The following PCDHGB1 variants were observed in gnomAD, a reference collection of about 807,000 sequenced individuals.
PCDHGB1 encodes protocadherin gamma subfamily B, 1, also known as protocadherin gamma-B1.
A neutral mutation model predicts 56.6 loss-of-function variants in PCDHGB1; 34 were observed. The ratio of observed to expected loss-of-function variants is 0.60; its 90% confidence interval spans 0.46 to 0.80. PCDHGB1 has a LOEUF of 0.80. Among genes scored for constraint, PCDHGB1 ranks in the 30% least tolerant of loss-of-function variants. The pLI, the probability that PCDHGB1 is intolerant of heterozygous loss-of-function variation, is 0.00. For synonymous variants in PCDHGB1, 561 were observed against 505.9 expected, an observed-to-expected ratio of 1.11 and a Z score of -1.46; for missense variants, 1,278 against 1,204.6, an observed-to-expected ratio of 1.06 and a Z score of -0.90.
intron 1 of PCDHGB1, among the ~76,000 whole-genome samples, chr5:141,473,383 C>A (rs976400317): frequency 3.3e-5 from 5 of 152,200 alleles, no homozygotes; most frequent in African/African-American, 9.6e-5. Context: ...GGTCCCTGCC[C>A]TCCTGGAGCT....
rs537196945 is a variant in PCDHGB1 at position 141,470,749 on chromosome 5, G to A, written c.2410-24058G>A. 3.9e-5 allele frequency among the ~76,000 whole-genome samples: 6 copies of A among 152,260 alleles called. No individual in the cohort carries two copies. The East Asian group carries it at 7.7e-4, about 20-fold the overall frequency. On this transcript the variant is annotated intron_variant, in intron 1 of 3. Coordinates refer to ENST00000523390, the MANE Select transcript of PCDHGB1 (RefSeq NM_018922.3). ...GTCTTGCTCTGTCGCCCTGGCTGGAGTGCAGTGGACTCACTACAGTCTTGA... is the reference window on the plus strand; with the variant it reads ...GTCTTGCTCTGTCGCCCTGGCTGGAATGCAGTGGACTCACTACAGTCTTGA...
intron 1 of PCDHGB1, chr5:141,393,354 G>T: frequency 6.2e-7 from 1 of 1,613,944 alleles, no homozygotes; most frequent in African/African-American, 1.3e-5. Flanking sequence ...CTTCTCCCTG[G>T]ACGTGCAGAC....
At chr5:141,399,722 A>G in intron 1 of PCDHGB1, 4 of 1,613,264 alleles carry the variant, frequency 2.5e-6, no homozygotes, top group Non-Finnish European at 3.4e-6. Context: ...CAGGCCCGCG[A>G]CCAGGGCTCG....
rs371490086 is a variant in PCDHGB1 at position 141,405,329 on chromosome 5, G to A, written c.2409+52660G>A. 241 of 1,614,168 alleles carry A rather than the reference G, an allele frequency of 1.5e-4. No individual in the cohort carries two copies. Among genetic ancestry groups the A allele is most frequent in the African/African-American group, 1.1e-3 (80 of 75,034 alleles). The stretch of plus-strand genomic sequence containing the variant: ...CTGTGAGAAAAATGAGCCTTTGTGC[G>A]TCTCTGTTGATTCCAAGTTTCCTAT... On this transcript the variant is annotated intron_variant, in intron 1 of 3. Coordinates refer to ENST00000523390, the MANE Select transcript of PCDHGB1 (RefSeq NM_018922.3).
chr5:141,405,471 A>C, intron 1 of PCDHGB1: 6 of 1,084,370 alleles, frequency 5.5e-6, no homozygotes, highest in Non-Finnish European at 7.9e-6. Context: ...CCAGGCTGGA[A>C]TGCAGTGGTG....
chr5:141,454,762 G>C (rs889314181), intron 1 of PCDHGB1, among the ~76,000 whole-genome samples: 4 of 115,056 alleles, frequency 3.5e-5, no homozygotes, highest in African/African-American at 6.6e-5. Context: ...ATCTTGACAT[G>C]TTTTTTACAA....
chr5:141,366,387 A>G, intron 1 of PCDHGB1: 1 of 1,614,088 alleles, frequency 6.2e-7, no homozygotes, highest in East Asian at 2.2e-5. Context: ...GACCCTGAGG[A>G]TCTGGACCTC....
chr5:141,418,370 C>G (rs910813828), intron 1 of PCDHGB1: 1 of 1,613,822 alleles, frequency 6.2e-7, no homozygotes, highest in African/African-American at 1.3e-5. Flanking sequence ...GAGCAAATAC[C>G]AACTAAGTCC....
At chr5:141,436,611 C>T (rs893312137) in intron 1 of PCDHGB1, among the ~76,000 whole-genome samples, 1 of 152,126 alleles carries the variant, frequency 6.6e-6, no homozygotes, top group Non-Finnish European at 1.5e-5. Context: ...CTAGGGCTAA[C>T]AAAAATCTGA....
At chr5:141,366,832 G>C in intron 1 of PCDHGB1, 1 of 1,518,404 alleles carries the variant, frequency 6.6e-7, no homozygotes, top group South Asian at 1.3e-5. Flanking sequence ...TTCAGAATCA[G>C]CTAGTTATGT....
At chr5:141,392,593 C>G (rs986653235) in intron 1 of PCDHGB1, 2 of 494,194 alleles carry the variant, frequency 4.0e-6, no homozygotes, top group Non-Finnish European at 7.1e-6. Context: ...CCGCTGTTCA[C>G]CTACTGGAAG....
chr5:141,409,831 C>T (rs1015263434), intron 1 of PCDHGB1: 2 of 1,611,128 alleles, frequency 1.2e-6, no homozygotes, highest in Non-Finnish European at 1.7e-6. Flanking sequence ...CCACGCTCAG[C>T]GCCAACGTGA....
Position 141,447,603 on chromosome 5 carries a change from T to G in PCDHGB1, c.2410-47204T>G, listed in dbSNP as rs146950525. On this transcript the variant is annotated intron_variant, in intron 1 of 3. Transcript: ENST00000523390. ...ATACCTTAAACATCCTATAGAGTCC[T>G]TAGCATTTTAAAGTTGAAACCAACA... Among the ~76,000 whole-genome samples, 378 of 152,270 alleles carry G rather than the reference T, an allele frequency of 2.5e-3. 1 individual carries two copies. Among genetic ancestry groups the G allele is most frequent in the Non-Finnish European group, 4.5e-3 (309 of 68,030 alleles).
chr5:141,449,283 A>C (rs937339676), intron 1 of PCDHGB1, among the ~76,000 whole-genome samples: 1 of 152,102 alleles, frequency 6.6e-6, no homozygotes, highest in African/African-American at 2.4e-5. Flanking sequence ...CTTCACCCGG[A>C]TGCACCGGGT....
In PCDHGB1 at chr5:141,485,576, C is replaced by T. The variant is rs1347032247; in HGVS notation, c.2410-9231C>T. ...GAATGATCACGCCCCCCGTTTTCCG[C>T]GGCAGCAGCTGGACTTGGAAATTGG... On this transcript the variant is annotated intron_variant, in intron 1 of 3. Transcript: ENST00000523390. The surrounding 1 kb of genome is among the most constrained non-coding windows in gnomAD (Gnocchi z 5.7). 21 of 1,612,296 alleles carry T rather than the reference C, an allele frequency of 1.3e-5. 1 individual carries two copies. Among genetic ancestry groups the T allele is most frequent in the Non-Finnish European group, 1.8e-5 (21 of 1,178,636 alleles).
rs769153122 is a variant in PCDHGB1 at position 141,485,243 on chromosome 5, C to T, written c.2410-9564C>T. 8 of 1,614,062 alleles carry T rather than the reference C, an allele frequency of 5.0e-6. No homozygotes were observed. In the Admixed American group the frequency reaches 1.2e-4, roughly 24 times the overall value. ...TACCCTTTTGTTCCTCTTTTACCACCTGGGTTACGTTTGTGGGCAGATCCG... is the reference window on the plus strand; with the variant it reads ...TACCCTTTTGTTCCTCTTTTACCACTTGGGTTACGTTTGTGGGCAGATCCG... On this transcript the variant is annotated intron_variant, in intron 1 of 3. Transcript: ENST00000523390. The surrounding 1 kb of genome is among the most constrained non-coding windows in gnomAD (Gnocchi z 5.7).
Position 141,414,566 on chromosome 5 carries a change from A to G in PCDHGB1, c.2409+61897A>G, listed in dbSNP as rs375828619. The stretch of plus-strand genomic sequence containing the variant: ...TTCTCTCAAGTCTCCTACTTTACCT[A>G]TATCCCAGAGAACAACGCCAGGGGT... On this transcript the variant is annotated intron_variant, in intron 1 of 3. Coordinates refer to ENST00000523390, the MANE Select transcript of PCDHGB1 (RefSeq NM_018922.3). The G allele has an allele frequency of 6.6e-5, 106 of 1,613,800 alleles. No homozygotes were observed. Among genetic ancestry groups the G allele is most frequent in the Non-Finnish European group, 8.4e-5 (99 of 1,179,878 alleles).
At chr5:141,410,701 A>C in intron 1 of PCDHGB1, 2 of 1,471,660 alleles carry the variant, frequency 1.4e-6, no homozygotes, top group Non-Finnish European at 9.1e-7. Context: ...TTATTTTCAT[A>C]TCTAGAATCA....
At position 141,357,427 on chromosome 5, in the gene PCDHGB1, G is replaced by A. The variant is rs746353389; in HGVS notation, c.2409+4758G>A. The A allele has an allele frequency of 6.8e-6, 11 of 1,614,110 alleles. No homozygotes were observed. Among genetic ancestry groups the A allele is most frequent in the East Asian group, 2.2e-5 (1 of 44,884 alleles). On this transcript the variant is annotated intron_variant, in intron 1 of 3. Transcript: ENST00000523390. ...TGTGCCTGCCTCGCACTTTGTGGGCGTGGACGGGGTTCGGGCTTTCCTGCA... is the reference window on the plus strand; with the variant it reads ...TGTGCCTGCCTCGCACTTTGTGGGCATGGACGGGGTTCGGGCTTTCCTGCA...
Sources: gnomAD v4.1 joint callset for allele counts (sites outside exome capture counted in the v4.1 genomes callset) on GRCh38, gnomAD v4.1.1 for gene constraint, Gnocchi (gnomAD v3.1) non-coding constraint, MANE v1.5 for transcripts, NCBI Gene and HGNC (gene_info 2026-07-23, HGNC 2026-07-21) for gene names.